NARS2: variants seen among roughly 807,000 people sequenced by gnomAD.
NARS2 encodes asparaginyl-tRNA synthetase.
Under a neutral mutation model 62.9 loss-of-function variants are expected in NARS2, and 60 were observed. That is an observed-to-expected ratio of 0.95 (90% CI 0.77 to 1.18). The LOEUF is 1.18. NARS2 is among the 50% of genes most tolerant of loss of function. The pLI is 0.00. For synonymous variants in NARS2, 196 were observed against 200.0 expected, an observed-to-expected ratio of 0.98 and a Z score of 0.17; for missense variants, 619 against 576.4, an observed-to-expected ratio of 1.07 and a Z score of -0.76.
chr11:78,547,309 C>G (rs1248816228), intron 5 of NARS2, among the ~76,000 whole-genome samples: 1 of 152,044 alleles, frequency 6.6e-6, no homozygotes, highest in African/African-American at 2.4e-5. Context: ...TCTTGAGAAC[C>G]AGCTCATTTT....
At chr11:78,551,581 T>C (rs1345800321) in intron 5 of NARS2, among the ~76,000 whole-genome samples, 2 of 151,956 alleles carry the variant, frequency 1.3e-5, no homozygotes, top group Non-Finnish European at 2.9e-5. Context: ...CTGGGCGCGG[T>C]GGCTCATGCC....
intron 12 of NARS2, 116 bp from the exon 13 acceptor site, chr11:78,441,233 C>G (rs1857568916): frequency 2.3e-6 from 2 of 870,370 alleles, no homozygotes; most frequent in East Asian, 4.9e-5. Flanking sequence ...GACGACAAAG[C>G]CTCTGCTCTC....
rs372893567 is a variant in NARS2 at position 78,469,526 on chromosome 11, C to G, written c.960-213G>C. Among the ~76,000 whole-genome samples, 69 of 152,312 alleles carry G rather than the reference C, an allele frequency of 4.5e-4. 1 individual carries two copies. In the South Asian group the frequency reaches 0.013, roughly 30 times the overall value. ...ACTCCTCATCTACTTGCAATATACA[C>G]AGTGAAGCTAGTCACTTAAGCAAGT... On this transcript the variant is annotated intron_variant, in intron 9 of 13. Transcript: ENST00000281038.
At chr11:78,495,560 C>T (rs538981361) in intron 6 of NARS2, among the ~76,000 whole-genome samples, 3 of 152,244 alleles carry the variant, frequency 2.0e-5, no homozygotes, top group Non-Finnish European at 2.9e-5. Context: ...TATTCATATT[C>T]GCATCTCTAG....
intron 7 of NARS2, among the ~76,000 whole-genome samples, chr11:78,487,167 C>T (rs1346995321): frequency 6.6e-6 from 1 of 151,800 alleles, no homozygotes; most frequent in Non-Finnish European, 1.5e-5. Context: ...ACCAGCCCGG[C>T]CAACATGGTG....
At chr11:78,506,641 TCTC>T (rs984692951) in intron 6 of NARS2, among the ~76,000 whole-genome samples, 3 of 152,030 alleles carry the variant, frequency 2.0e-5, no homozygotes, top group Admixed American at 6.6e-5. Flanking sequence ...CTCAAGCAAT[TCTC>T]CTGTCTCAGC....
At chr11:78,449,204 C>G (rs1001138031) in intron 11 of NARS2, among the ~76,000 whole-genome samples, 1 of 141,624 alleles carries the variant, frequency 7.1e-6, no homozygotes, top group African/African-American at 2.7e-5. Flanking sequence ...GGTGCGATCT[C>G]GGCTCACTGC....
At chr11:78,466,630 G>A (rs912162298) in intron 10 of NARS2, among the ~76,000 whole-genome samples, 2 of 152,026 alleles carry the variant, frequency 1.3e-5, no homozygotes, top group Admixed American at 6.5e-5. Flanking sequence ...TCAGGTGCCC[G>A]CCACCATGCC....
chr11:78,555,143 T>C (rs1481483404), intron 5 of NARS2: 1 of 152,224 alleles, frequency 6.6e-6, no homozygotes, highest in African/African-American at 2.4e-5. Flanking sequence ...AGTATTTTGT[T>C]GAGGATTTCT....
rs192753941 is a variant in NARS2, at chr11:78,554,449, A to C, written c.594+5090T>G. Reference sequence around the variant, plus strand: ...CTCTGATTTCTTTGAGCAGTGTTTTATAATTCTCATGTAGAGCTCTTTCAC... The same window carrying C: ...CTCTGATTTCTTTGAGCAGTGTTTTCTAATTCTCATGTAGAGCTCTTTCAC... On this transcript the variant is annotated intron_variant, in intron 5 of 13. Coordinates refer to ENST00000281038, the MANE Select transcript of NARS2 (RefSeq NM_024678.6). 1.3e-4 allele frequency among the ~76,000 whole-genome samples: 20 copies of C among 151,118 alleles called. No homozygotes were observed. The East Asian group carries it at 3.9e-3, about 29-fold the overall frequency.
At chr11:78,458,692 G>A (rs183190838) in intron 11 of NARS2, among the ~76,000 whole-genome samples, 43 of 152,206 alleles carry the variant, frequency 2.8e-4, no homozygotes, top group Non-Finnish European at 5.3e-4. Context: ...TCCACCACAC[G>A]GATACTAGGT....
chr11:78,473,845 T>C (rs572415665), intron 9 of NARS2, among the ~76,000 whole-genome samples: 1 of 152,348 alleles, frequency 6.6e-6, no homozygotes, highest in Admixed American at 6.5e-5. Context: ...TAGCTTTGTG[T>C]GTATATCTGT....
At chr11:78,503,588 T>A (rs184385998) in intron 6 of NARS2, among the ~76,000 whole-genome samples, 1 of 152,174 alleles carries the variant, frequency 6.6e-6, no homozygotes, top group East Asian at 1.9e-4. Context: ...AAGGCACAGA[T>A]AATTGATACG....
At chr11:78,446,507 T>C (rs1333440983) in intron 11 of NARS2, among the ~76,000 whole-genome samples, 4 of 152,194 alleles carry the variant, frequency 2.6e-5, no homozygotes, top group Admixed American at 2.6e-4. Flanking sequence ...GAGAGACACA[T>C]GGTAAAAATT....
At chr11:78,562,325 G>C (rs1335761199) in intron 4 of NARS2, among the ~76,000 whole-genome samples, 1 of 152,156 alleles carries the variant, frequency 6.6e-6, no homozygotes, top group Non-Finnish European at 1.5e-5. Flanking sequence ...AGCTACTTGG[G>C]AGGCTGAGGT....
rs1555023026 is a variant in NARS2, at chr11:78,494,474, T to TC, written c.690-1280_690-1279insG. Among the ~76,000 whole-genome samples the TC allele has an allele frequency of 2.7e-3, 410 of 149,322 alleles. 2 individuals are homozygous for TC. Among genetic ancestry groups the TC allele is most frequent in the African/African-American group, 9.1e-3 (373 of 41,198 alleles). ...TATATAAGTTTTTTCTTTTTCTTTT[T>TC]TTTTTTTTTTTTAGTAAAGATACTC... is the stretch of plus-strand genomic sequence containing the variant. On this transcript the variant is annotated intron_variant, in intron 6 of 13. Coordinates refer to ENST00000281038, the MANE Select transcript of NARS2 (RefSeq NM_024678.6).
At chr11:78,448,286 G>T (rs1290645651) in intron 11 of NARS2, among the ~76,000 whole-genome samples, 1 of 150,690 alleles carries the variant, frequency 6.6e-6, no homozygotes, top group Non-Finnish European at 1.5e-5. Flanking sequence ...CAAAATAGGA[G>T]TGATTCCATG....
chr11:78,524,618 G>C (rs748401520), intron 6 of NARS2, among the ~76,000 whole-genome samples: 9 of 151,820 alleles, frequency 5.9e-5, no homozygotes, highest in Non-Finnish European at 1.3e-4. Context: ...CTCTTGGAAT[G>C]AACTTACCAC....
At position 78,571,965 on chromosome 11, in the gene NARS2, TGAGGTCGG is replaced by T. The variant is rs564542555; in HGVS notation, c.142-529_142-522del. On this transcript the variant is annotated intron_variant, in intron 1 of 13. Coordinates refer to ENST00000281038, the MANE Select transcript of NARS2 (RefSeq NM_024678.6). ...GGGAGGCCGAGAAGGACGGATCACT[TGAGGTCGG>T]GAGTTTGAGACCAGCCTGGCCAACA... 2.0e-3 allele frequency among the ~76,000 whole-genome samples: 304 copies of T among 152,260 alleles called. 2 individuals carry two copies. The highest frequency in any genetic ancestry group is 4.1e-3 in the Admixed American group (62 of 15,288).
Sources: gnomAD v4.1 joint callset for allele counts (sites outside exome capture counted in the v4.1 genomes callset) on GRCh38, gnomAD v4.1.1 for gene constraint, MANE v1.5 for transcripts, NCBI Gene and HGNC (gene_info 2026-07-23, HGNC 2026-07-21) for gene names.